DNAH1: variants seen among roughly 807,000 people sequenced by gnomAD.
DNAH1 encodes the protein dynein axonemal heavy chain 1.
In DNAH1, 327 loss-of-function variants were observed where a neutral mutation model predicts 484.3. The observed-to-expected ratio is 0.68, with a 90% CI of 0.62 to 0.74. The LOEUF (loss-of-function observed/expected upper bound fraction) is 0.74, where lower values mean the gene tolerates loss of function less well. Among genes scored for constraint, DNAH1 ranks in the 30% least tolerant of loss-of-function variants. The pLI, the probability that DNAH1 is intolerant of heterozygous loss-of-function variation, is 0.00. For missense variants in DNAH1, 5,052 were observed against 5,546.8 expected (o/e 0.91, Z 2.83); for synonymous variants, 2,192 against 2,191.9 (o/e 1.00, Z 0.00).
At position 52,392,707 on chromosome 3, in the gene DNAH1, C is replaced by T. The variant is rs1422164801; in HGVS notation, c.10278+18C>T. On this transcript the variant is annotated intron_variant, in intron 64 of 77. Coordinates refer to ENST00000420323, the MANE Select transcript of DNAH1 (RefSeq NM_015512.5). ...AGATCCAGGTCAGCTGCTGCCTGCCCACCCACCTGCCCCGGGAGTGCCCCG... is the reference window on the plus strand; with the variant it reads ...AGATCCAGGTCAGCTGCTGCCTGCCTACCCACCTGCCCCGGGAGTGCCCCG... 2 of 1,579,290 alleles carry T rather than the reference C, an allele frequency of 1.3e-6. No individual in the cohort carries two copies. The highest frequency in any genetic ancestry group is 1.8e-5 in the Admixed American group (1 of 54,232).
At chr3:52,367,867 C>G (rs142577718) in intron 36 of DNAH1, among the ~76,000 whole-genome samples, 44 of 152,350 alleles carry the variant, frequency 2.9e-4, no homozygotes, top group African/African-American at 9.9e-4. Flanking sequence ...GCCACTGCAC[C>G]CAGCCCTCAA....
In DNAH1 at chr3:52,395,508, G is replaced by A; in HGVS notation, c.11128-39G>A. 1 of 1,613,178 alleles carries A rather than the reference G, an allele frequency of 6.2e-7. No individual in the cohort carries two copies. Among genetic ancestry groups the A allele is most frequent in the South Asian group, 1.1e-5 (1 of 91,084 alleles). On this transcript the variant is annotated intron_variant, in intron 69 of 77. Coordinates refer to ENST00000420323, the MANE Select transcript of DNAH1 (RefSeq NM_015512.5). The surrounding 1 kb of genome is among the most constrained non-coding windows in gnomAD (Gnocchi z 4.4). ...GAGGAAGGGAGTGGGCTGGGGGGTGGGCAAGCTGGCCCCCTGCTCAGTGCT... is the reference window on the plus strand; with the variant it reads ...GAGGAAGGGAGTGGGCTGGGGGGTGAGCAAGCTGGCCCCCTGCTCAGTGCT...
chr3:52,353,366 G>C lies in DNAH1; in HGVS notation c.3227-14G>C. On this transcript the variant is annotated splice_polypyrimidine_tract_variant and intron_variant, in intron 19 of 77. Coordinates refer to ENST00000420323, the MANE Select transcript of DNAH1 (RefSeq NM_015512.5). The surrounding 1 kb of genome is among the most constrained non-coding windows in gnomAD (Gnocchi z 5.0). ...TGCCGCCTGCCTCTCATGCGTTTCTGTCTTACCCGGCAGCCTGCCAGGAAG... is the reference window on the plus strand; with the variant it reads ...TGCCGCCTGCCTCTCATGCGTTTCTCTCTTACCCGGCAGCCTGCCAGGAAG... 6.2e-7 allele frequency: 1 copy of C among 1,609,144 alleles called. No homozygotes were observed. Among genetic ancestry groups the C allele is most frequent in the Non-Finnish European group, 8.5e-7 (1 of 1,176,444 alleles).
intron 44 of DNAH1, chr3:52,374,297 T>A: frequency 2.0e-6 from 3 of 1,532,394 alleles, no homozygotes; most frequent in Non-Finnish European, 2.7e-6. Flanking sequence ...CAAGATTTTC[T>A]TATTGAAGGT....
chr3:52,394,362 T>C, intron 66 of DNAH1, 103 bp from the exon 67 acceptor site: 1 of 1,109,856 alleles, frequency 9.0e-7, no homozygotes. Context: ...AGACTCAGTT[T>C]CTCCAGGTGA....
rs372963290 is a variant in DNAH1, at chr3:52,364,952, G to T, written c.5451G>T (p.Thr1817=). The change falls in exon 34 of 78, where the codon ACG becomes ACT. Residue 1817 remains threonine (T), a synonymous_variant. Coordinates refer to ENST00000420323, the MANE Select transcript of DNAH1 (RefSeq NM_015512.5). The surrounding 1 kb of genome is among the most constrained non-coding windows in gnomAD (Gnocchi z 4.2). ...DLFPTIKEED[T]DYGILDEAIR... ...TTCCCACCATCAAGGAGGAGGACAC[G>T]GACTACGGCATCCTGGATGAGGCCA... The T allele has an allele frequency of 6.2e-7, 1 of 1,613,976 alleles. No individual in the cohort carries two copies. The highest frequency in any genetic ancestry group is 8.5e-7 in the Non-Finnish European group (1 of 1,179,876).
chr3:52,347,584 G>T (rs1424244646), intron 11 of DNAH1, among the ~76,000 whole-genome samples: 1 of 152,154 alleles, frequency 6.6e-6, no homozygotes, highest in East Asian at 1.9e-4. Flanking sequence ...GCACAGGGGT[G>T]GGGGGCCTCC....
chr3:52,320,656 G>C (rs1701112021), intron 1 of DNAH1, among the ~76,000 whole-genome samples: 1 of 152,194 alleles, frequency 6.6e-6, no homozygotes. Context: ...AGCAAAAAGA[G>C]TGCCCTGTTC....
intron 8 of DNAH1, among the ~76,000 whole-genome samples, chr3:52,339,141 A>T (rs1441204636): frequency 1.3e-5 from 2 of 151,914 alleles, no homozygotes; most frequent in East Asian, 3.8e-4. Context: ...CTATGTATCT[A>T]TGTATCTTTT....
intron 14 of DNAH1, 69 bp downstream of exon 14, chr3:52,349,489 A>C: frequency 5.5e-5 from 79 of 1,430,148 alleles, no homozygotes; most frequent in Non-Finnish European, 6.8e-5. Flanking sequence ...ACGGACCCTC[A>C]CATACATGGC....
chr3:52,350,682 C>T, intron 16 of DNAH1, 92 bp downstream of exon 16: 1 of 1,173,526 alleles, frequency 8.5e-7, no homozygotes, highest in Non-Finnish European at 1.2e-6. Flanking sequence ...CCAGCTGCCA[C>T]AGTCTGTGCA....
At chr3:52,375,103 G>C in intron 44 of DNAH1, 137 bp from the exon 45 acceptor site, 1 of 1,046,144 alleles carries the variant, frequency 9.6e-7, no homozygotes. Flanking sequence ...AAATTTTCCT[G>C]TGTAATATTG....
At chr3:52,354,017 A>C (rs1167347028) in intron 20 of DNAH1, among the ~76,000 whole-genome samples, 1 of 151,566 alleles carries the variant, frequency 6.6e-6, no homozygotes, top group Non-Finnish European at 1.5e-5. Context: ...ACATAGGGAG[A>C]CCCCCATCTC....
At chr3:52,329,531 C>CA (rs890062931) in intron 6 of DNAH1, among the ~76,000 whole-genome samples, 46 of 151,664 alleles carry the variant, frequency 3.0e-4, no homozygotes, top group Admixed American at 5.2e-4. Context: ...TCAAACAAAA[C>CA]AAAAAAAACC....
chr3:52,324,575 A>C (rs1578069735), intron 3 of DNAH1, among the ~76,000 whole-genome samples: 1 of 148,900 alleles, frequency 6.7e-6, no homozygotes, highest in African/African-American at 2.5e-5. Flanking sequence ...CCTCCTCCCC[A>C]CCCCCAGGAA....
At chr3:52,333,076 A>G (rs1026855853) in intron 8 of DNAH1, among the ~76,000 whole-genome samples, 1 of 152,126 alleles carries the variant, frequency 6.6e-6, no homozygotes, top group Non-Finnish European at 1.5e-5. Flanking sequence ...TTGTAGAGAC[A>G]GATCTCCCTA....
At position 52,399,532 on chromosome 3, in the gene DNAH1, T is replaced by C. The variant is rs1704810301; in HGVS notation, c.12442-13T>C. 1.3e-6 allele frequency: 2 copies of C among 1,595,284 alleles called. No homozygotes were observed. Among genetic ancestry groups the C allele is most frequent in the Admixed American group, 1.7e-5 (1 of 58,444 alleles). On this transcript the variant is annotated splice_polypyrimidine_tract_variant and intron_variant, in intron 76 of 77. Coordinates refer to ENST00000420323, the MANE Select transcript of DNAH1 (RefSeq NM_015512.5). The stretch of plus-strand genomic sequence containing the variant: ...TTGTTATGTGTGTGGGGTGTGTCTG[T>C]GTCTACCCACAGGTGATGTTTGAGG...
At chr3:52,388,692 G>T in intron 58 of DNAH1, 83 bp downstream of exon 58, 1 of 1,606,678 alleles carries the variant, frequency 6.2e-7, no homozygotes, top group South Asian at 1.1e-5. Context: ...GGTGGGTCCT[G>T]GGGTGGCTGT....
In DNAH1 at chr3:52,353,683, A is replaced by T; in HGVS notation, c.3480+50A>T. 6.4e-7 allele frequency: 1 copy of T among 1,551,324 alleles called. No homozygotes were observed. The highest frequency in any genetic ancestry group is 8.7e-7 in the Non-Finnish European group (1 of 1,149,736). On this transcript the variant is annotated intron_variant, in intron 20 of 77. Transcript: ENST00000420323. The surrounding 1 kb of genome is among the most constrained non-coding windows in gnomAD (Gnocchi z 5.0). Reference sequence around the variant, plus strand: ...CCACTCCAGCCAGGCCCTGCCGGACAGCCTGACCTCCTGCTCTGGCAACCA... The same window carrying T: ...CCACTCCAGCCAGGCCCTGCCGGACTGCCTGACCTCCTGCTCTGGCAACCA...
Sources: gnomAD v4.1 joint callset for allele counts (sites outside exome capture counted in the v4.1 genomes callset) on GRCh38, gnomAD v4.1.1 for gene constraint, Gnocchi (gnomAD v3.1) non-coding constraint, MANE v1.5 for transcripts, NCBI Gene and HGNC (gene_info 2026-07-23, HGNC 2026-07-21) for gene names.